EFCC1: variants seen among roughly 807,000 people sequenced by gnomAD.
EFCC1 encodes EF-hand and coiled-coil domain containing 1.
Under a neutral mutation model 52.1 loss-of-function variants are expected in EFCC1, and 50 were observed. The ratio of observed to expected loss-of-function variants is 0.96; its 90% confidence interval spans 0.76 to 1.21. The LOEUF is 1.21. EFCC1 is among the 50% of genes most tolerant of loss of function. EFCC1 has a pLI of 0.00. For synonymous variants in EFCC1, 399 were observed against 396.5 expected (o/e 1.01, Z -0.08); for missense variants, 837 against 867.3 (o/e 0.97, Z 0.44).
chr3:129,024,497 C>G (rs546246436), intron 2 of EFCC1, among the ~76,000 whole-genome samples: 38 of 151,330 alleles, frequency 2.5e-4, no homozygotes, highest in African/African-American at 8.7e-4. Flanking sequence ...CACCACTGCA[C>G]TCCAGCCTGG....
chr3:129,035,534 G>T (rs1020344478), intron 5 of EFCC1, among the ~76,000 whole-genome samples: 1 of 152,244 alleles, frequency 6.6e-6, no homozygotes, highest in African/African-American at 2.4e-5. Flanking sequence ...AGGCCCTGGA[G>T]CGCTGCAGTA....
intron 2 of EFCC1, among the ~76,000 whole-genome samples, chr3:129,024,808 G>A (rs991140223): frequency 1.3e-5 from 2 of 152,166 alleles, no homozygotes; most frequent in African/African-American, 2.4e-5. Context: ...GTTGCATTGG[G>A]GATTAGGTTT....
Position 129,003,792 on chromosome 3 carries a change from A to C in EFCC1, c.697-2A>C. Reference sequence around the variant, plus strand: ...CCTGCCCCTGCTGCCCTGTCCCCGCAGGTCGGACTCTGGAAGAGCCAGGCG... The same window carrying C: ...CCTGCCCCTGCTGCCCTGTCCCCGCCGGTCGGACTCTGGAAGAGCCAGGCG... On this transcript the variant is annotated splice_acceptor_variant, in intron 1 of 7. Transcript: ENST00000683648. LOFTEE classifies it high-confidence loss of function. 1 of 1,448,502 alleles carries C rather than the reference A, an allele frequency of 6.9e-7. No homozygotes were observed. The highest frequency in any genetic ancestry group is 1.3e-5 in the South Asian group (1 of 76,040). The allele number at this position is 1,448,502 out of a possible 1,614,324, so 89.7% of individuals were successfully genotyped here.
intron 2 of EFCC1, among the ~76,000 whole-genome samples, chr3:129,024,043 CCATT>C (rs1319918959): frequency 2.6e-5 from 4 of 152,216 alleles, no homozygotes; most frequent in Non-Finnish European, 5.9e-5. Context: ...CCCCTAAATC[CCATT>C]CATTCATTTG....
chr3:129,033,996 T>A (rs986921971), intron 4 of EFCC1, among the ~76,000 whole-genome samples, 168 bp from the exon 5 acceptor site: 1 of 152,164 alleles, frequency 6.6e-6, no homozygotes, highest in African/African-American at 2.4e-5. Context: ...GCCTTTGCCT[T>A]TTCCTCAGAG....
At chr3:129,020,948 G>A (rs373729599) in intron 2 of EFCC1, among the ~76,000 whole-genome samples, 20 of 152,218 alleles carry the variant, frequency 1.3e-4, no homozygotes, top group Non-Finnish European at 2.2e-4. Flanking sequence ...TGAGGCTGCC[G>A]TGGCCAGTGG....
At chr3:129,006,173 G>A (rs1945065897) in intron 2 of EFCC1, among the ~76,000 whole-genome samples, 1 of 152,224 alleles carries the variant, frequency 6.6e-6, no homozygotes, top group African/African-American at 2.4e-5. Context: ...AAATCAGCCT[G>A]GCCCCACTGC....
chr3:129,038,994 C>A, intron 7 of EFCC1, 94 bp downstream of exon 7: 1 of 1,105,472 alleles, frequency 9.0e-7, no homozygotes, highest in South Asian at 1.3e-5. Context: ...AGCATCTTGT[C>A]TGCAAAACAA....
At chr3:129,008,010 G>A (rs189149765) in intron 2 of EFCC1, among the ~76,000 whole-genome samples, 78 of 152,356 alleles carry the variant, frequency 5.1e-4, no homozygotes, top group Non-Finnish European at 1.0e-3. Context: ...TTTGGGCTGT[G>A]AGCCGTCTTT....
chr3:129,027,573 C>T (rs1946161302), intron 2 of EFCC1, among the ~76,000 whole-genome samples: 1 of 152,136 alleles, frequency 6.6e-6, no homozygotes, highest in South Asian at 2.1e-4. Flanking sequence ...GCCATGGCTC[C>T]GAATGGCACC....
chr3:129,002,339 C>T lies in EFCC1; in HGVS notation c.696+15C>T. On this transcript the variant is annotated intron_variant, in intron 1 of 7. Coordinates refer to ENST00000683648, the MANE Select transcript of EFCC1 (RefSeq NM_001377500.1). Reference sequence around the variant, plus strand: ...TAGCACTGCAGGTGCGCGCCGGCCACGAAGGGAGGGTGGTAACGCCCGGGA... The same window carrying T: ...TAGCACTGCAGGTGCGCGCCGGCCATGAAGGGAGGGTGGTAACGCCCGGGA... 3 of 1,511,860 alleles carry T rather than the reference C, an allele frequency of 2.0e-6. No homozygotes were observed. Among genetic ancestry groups the T allele is most frequent in the South Asian group, 1.2e-5 (1 of 82,246 alleles). 93.7% of individuals were successfully genotyped at this position (1,511,860 alleles called of 1,614,324 possible).
chr3:129,023,474 G>A (rs1054756127), intron 2 of EFCC1, among the ~76,000 whole-genome samples: 29 of 152,124 alleles, frequency 1.9e-4, no homozygotes, highest in Admixed American at 1.6e-3. Flanking sequence ...GACTACAGGC[G>A]CCCGCCACCA....
At chr3:129,031,349 A>C (rs1946269041) in intron 3 of EFCC1, among the ~76,000 whole-genome samples, 1 of 152,186 alleles carries the variant, frequency 6.6e-6, no homozygotes, top group African/African-American at 2.4e-5. Context: ...GCTGAGGCAG[A>C]AGGATCACTT....
At chr3:129,006,402 T>C (rs1056874979) in intron 2 of EFCC1, among the ~76,000 whole-genome samples, 3 of 152,214 alleles carry the variant, frequency 2.0e-5, no homozygotes, top group Admixed American at 6.5e-5. Context: ...CTGCAATCTC[T>C]GCCTCCCAGG....
At chr3:129,038,318 G>A (rs924522473) in intron 6 of EFCC1, among the ~76,000 whole-genome samples, 2 of 152,132 alleles carry the variant, frequency 1.3e-5, no homozygotes, top group Non-Finnish European at 2.9e-5. Flanking sequence ...CCTGGGGATG[G>A]GCCCCAAGAG....
chr3:129,012,206 G>C (rs1321495220), intron 2 of EFCC1, among the ~76,000 whole-genome samples: 4 of 152,250 alleles, frequency 2.6e-5, no homozygotes, highest in Non-Finnish European at 4.4e-5. Context: ...TTGTGCCTCA[G>C]TTTTCTCATC....
chr3:129,024,096 G>A (rs768240195), intron 2 of EFCC1, among the ~76,000 whole-genome samples: 6 of 152,186 alleles, frequency 3.9e-5, no homozygotes, highest in Non-Finnish European at 5.9e-5. Flanking sequence ...TGTGCTAACT[G>A]TCCTCAAGGA....
At chr3:129,019,957 C>T (rs1160547782) in intron 2 of EFCC1, among the ~76,000 whole-genome samples, 1 of 151,706 alleles carries the variant, frequency 6.6e-6, no homozygotes, top group African/African-American at 2.4e-5. Context: ...TTAGTAGAGA[C>T]AGGTTTTCAC....
Position 129,036,502 on chromosome 3 carries a change from G to A in EFCC1, c.1453-475G>A, listed in dbSNP as rs942722094. Reference sequence around the variant, plus strand: ...TGGCCAAGAGTGGGCCCAAGACTCCGACTGGGCCAACCACGCCCCTCTCCT... The same window carrying A: ...TGGCCAAGAGTGGGCCCAAGACTCCAACTGGGCCAACCACGCCCCTCTCCT... On this transcript the variant is annotated intron_variant, in intron 5 of 7. Coordinates refer to ENST00000683648, the MANE Select transcript of EFCC1 (RefSeq NM_001377500.1). 8.5e-5 allele frequency among the ~76,000 whole-genome samples: 13 copies of A among 152,286 alleles called. No individual in the cohort carries two copies. In the East Asian group the frequency reaches 1.7e-3, roughly 20 times the overall value.
Sources: gnomAD v4.1 joint callset for allele counts (sites outside exome capture counted in the v4.1 genomes callset) on GRCh38, gnomAD v4.1.1 for gene constraint, MANE v1.5 for transcripts, NCBI Gene and HGNC (gene_info 2026-07-23, HGNC 2026-07-21) for gene names.